The following HIPK3 variants were observed in gnomAD, a reference collection of about 807,000 sequenced individuals.
HIPK3 encodes homeodomain interacting protein kinase 3.
HIPK3 carries 47 observed loss-of-function variants against 124.2 expected under a neutral mutation model. The ratio of observed to expected loss-of-function variants is 0.38; its 90% CI spans 0.30 to 0.48. The LOEUF is 0.48. HIPK3 is among the 20% of genes least tolerant of loss of function. The pLI is 0.98. For synonymous variants in HIPK3, 482 were observed against 515.2 expected (o/e 0.94, Z 0.87); for missense variants, 1,286 against 1,454.3 (o/e 0.88, Z 1.88).
At chr11:33,310,272 C>CT (rs746449604) in intron 2 of HIPK3, among the ~76,000 whole-genome samples, 3,326 of 60,240 alleles carry the variant, frequency 0.055, 87 homozygotes, top group Admixed American at 0.19. Flanking sequence ...GTCTGTCTGT[C>CT]TGTCTATCTT....
At chr11:33,348,472 A>T (rs373643438) in intron 12 of HIPK3, 50 bp from the exon 13 acceptor site, 1 of 1,425,888 alleles carries the variant, frequency 7.0e-7, no homozygotes, top group Non-Finnish European at 9.6e-7. Flanking sequence ...TAGACAATTG[A>T]TTATACATAT....
chr11:33,342,504 G>A (rs1853364680), intron 8 of HIPK3, among the ~76,000 whole-genome samples: 1 of 151,490 alleles, frequency 6.6e-6, no homozygotes, highest in South Asian at 2.1e-4. Context: ...TCCTCAAGCG[G>A]AATGGGTGAC....
intron 1 of HIPK3, among the ~76,000 whole-genome samples, chr11:33,264,905 A>G (rs1302166379): frequency 6.6e-6 from 1 of 152,224 alleles, no homozygotes; most frequent in Non-Finnish European, 1.5e-5. Context: ...TTTTAAAAGC[A>G]TATTTCAATT....
intron 2 of HIPK3, among the ~76,000 whole-genome samples, chr11:33,322,924 G>A (rs546898188): frequency 2.7e-4 from 41 of 152,300 alleles, no homozygotes; most frequent in African/African-American, 9.4e-4. Context: ...TCTGTCTGAG[G>A]CCATAGTTGT....
chr11:33,288,168 T>C (rs1465127399), intron 2 of HIPK3, among the ~76,000 whole-genome samples: 1 of 152,206 alleles, frequency 6.6e-6, no homozygotes, highest in African/African-American at 2.4e-5. Flanking sequence ...GATTCAGATA[T>C]ACAGCCGGGT....
intron 2 of HIPK3, among the ~76,000 whole-genome samples, chr11:33,293,654 T>C (rs1290485157): frequency 2.6e-5 from 4 of 152,006 alleles, no homozygotes; most frequent in African/African-American, 9.7e-5. Context: ...ATATACCACA[T>C]TTTACGTATA....
At position 33,302,589 on chromosome 11, in the gene HIPK3, G is replaced by T. The variant is rs933740061; in HGVS notation, c.1097+15078G>T. On this transcript the variant is annotated intron_variant, in intron 2 of 16. Coordinates refer to ENST00000303296, the MANE Select transcript of HIPK3 (RefSeq NM_005734.5). Reference sequence around the variant, plus strand: ...GACCTCAAGTGGTCCACCCACCTTGGCCTCCCAAGTGCTGGGATTACAGGC... The same window carrying T: ...GACCTCAAGTGGTCCACCCACCTTGTCCTCCCAAGTGCTGGGATTACAGGC... Among the ~76,000 whole-genome samples the T allele has an allele frequency of 2.0e-4, 30 of 152,036 alleles. 2 individuals carry two copies. The highest frequency in any genetic ancestry group is 7.4e-5 in the Non-Finnish European group (5 of 68,006).
intron 3 of HIPK3, among the ~76,000 whole-genome samples, chr11:33,331,942 G>A (rs1247350834): frequency 6.6e-6 from 1 of 152,104 alleles, no homozygotes; most frequent in Non-Finnish European, 1.5e-5. Context: ...TGCCCTGGAT[G>A]GAGTGCAGTG....
intron 2 of HIPK3, among the ~76,000 whole-genome samples, chr11:33,306,714 A>T (rs1852171109): frequency 6.6e-6 from 1 of 152,228 alleles, no homozygotes; most frequent in Non-Finnish European, 1.5e-5. Context: ...TAATGTATAT[A>T]AAGTATTTAA....
intron 2 of HIPK3, among the ~76,000 whole-genome samples, chr11:33,323,396 A>G (rs940035052): frequency 6.6e-6 from 1 of 152,142 alleles, no homozygotes; most frequent in African/African-American, 2.4e-5. Flanking sequence ...GGTGCACACC[A>G]CCACACCTGG....
At chr11:33,283,323 G>A (rs984508814) in intron 1 of HIPK3, among the ~76,000 whole-genome samples, 55 of 152,236 alleles carry the variant, frequency 3.6e-4, no homozygotes, top group African/African-American at 1.3e-3. Flanking sequence ...TGTTAGCCAG[G>A]ATGGTCTGGA....
At chr11:33,335,388 G>C (rs1359095676) in intron 3 of HIPK3, among the ~76,000 whole-genome samples, 3 of 152,146 alleles carry the variant, frequency 2.0e-5, no homozygotes, top group Admixed American at 1.3e-4. Context: ...ACCCAGAAAA[G>C]CATGGCGTCG....
chr11:33,327,942 A>G (rs540958849), intron 2 of HIPK3, among the ~76,000 whole-genome samples: 4 of 152,174 alleles, frequency 2.6e-5, no homozygotes, highest in Admixed American at 6.5e-5. Flanking sequence ...CTTTTTAACT[A>G]TGTTGTTATA....
intron 2 of HIPK3, among the ~76,000 whole-genome samples, chr11:33,325,795 G>A (rs1267338099): frequency 6.6e-6 from 1 of 152,096 alleles, no homozygotes; most frequent in Non-Finnish European, 1.5e-5. Flanking sequence ...ACAATATTGT[G>A]AATATATAGG....
At chr11:33,285,408 G>A (rs1327438188) in intron 1 of HIPK3, among the ~76,000 whole-genome samples, 1 of 152,022 alleles carries the variant, frequency 6.6e-6, no homozygotes, top group Non-Finnish European at 1.5e-5. Flanking sequence ...GAATATAACT[G>A]GGTAGAAAGT....
chr11:33,319,693 C>T (rs1209788783), intron 2 of HIPK3, among the ~76,000 whole-genome samples: 4 of 152,076 alleles, frequency 2.6e-5, no homozygotes, highest in Non-Finnish European at 4.4e-5. Flanking sequence ...ATGATGTATG[C>T]TATTAGCTTT....
At chr11:33,336,954 C>A in intron 3 of HIPK3, 121 bp from the exon 4 acceptor site, 1 of 603,464 alleles carries the variant, frequency 1.7e-6, no homozygotes, top group Non-Finnish European at 2.8e-6. Flanking sequence ...CTAGACAGTG[C>A]ATTTCTTGAG....
intron 1 of HIPK3, 45 bp from the exon 2 acceptor site, chr11:33,286,365 TTTC>T (rs1196870050): frequency 1.4e-6 from 2 of 1,392,412 alleles, no homozygotes; most frequent in Non-Finnish European, 1.9e-6. Context: ...GACATTAATA[TTTC>T]TTCTTTCCTT....
intron 1 of HIPK3, among the ~76,000 whole-genome samples, chr11:33,276,277 G>A (rs1283691403): frequency 6.6e-6 from 1 of 151,994 alleles, no homozygotes; most frequent in African/African-American, 2.4e-5. Flanking sequence ...TATCTCTTTA[G>A]TTTAATCTGT....
Sources: gnomAD v4.1 joint callset for allele counts (sites outside exome capture counted in the v4.1 genomes callset) on GRCh38, gnomAD v4.1.1 for gene constraint, MANE v1.5 for transcripts, NCBI Gene and HGNC (gene_info 2026-07-23, HGNC 2026-07-21) for gene names.